Variants in PTPRT observed in about 807,000 individuals in gnomAD.
The protein encoded by PTPRT is protein tyrosine phosphatase receptor type T.
Under a neutral mutation model 176.8 loss-of-function variants are expected in PTPRT, and 56 were observed. The ratio of observed to expected loss-of-function variants is 0.32; its 90% CI spans 0.26 to 0.40. The LOEUF (loss-of-function observed/expected upper bound fraction) is 0.40. PTPRT is among the 10% of genes least tolerant of loss of function. The pLI, the probability that PTPRT is intolerant of heterozygous loss-of-function variation, is 1.00. For synonymous variants in PTPRT, 783 were observed against 739.0 expected, an observed-to-expected ratio of 1.06 and a Z score of -0.96; for missense variants, 1,540 against 1,908.2, an observed-to-expected ratio of 0.81 and a Z score of 3.60.
At chr20:42,928,118 G>A (rs1979604837) in intron 1 of PTPRT, among the ~76,000 whole-genome samples, 1 of 152,260 alleles carries the variant, frequency 6.6e-6, no homozygotes, top group African/African-American at 2.4e-5. Context: ...TGGATGATGA[G>A]ATGGGAAGTG....
At chr20:43,018,909 T>C (rs1277287941) in intron 1 of PTPRT, among the ~76,000 whole-genome samples, 1 of 152,224 alleles carries the variant, frequency 6.6e-6, no homozygotes, top group East Asian at 1.9e-4. Context: ...CAGCCCTCTA[T>C]TGGGAAATGT....
chr20:42,533,874 GA>G, intron 7 of PTPRT, among the ~76,000 whole-genome samples: 1 of 152,342 alleles, frequency 6.6e-6, no homozygotes, highest in East Asian at 1.9e-4. Context: ...GAATGGGGGT[GA>G]AGGGTGCATA....
intron 12 of PTPRT, among the ~76,000 whole-genome samples, chr20:42,290,167 T>C (rs2057295539): frequency 1.3e-5 from 2 of 152,080 alleles, no homozygotes; most frequent in African/African-American, 4.8e-5. Flanking sequence ...TATATAAGTC[T>C]CTGGGGAATG....
chr20:42,797,617 T>C lies in PTPRT; in HGVS notation c.215-6151A>G, dbSNP rs56134463. 9.4e-3 allele frequency among the ~76,000 whole-genome samples: 1,358 copies of C among 145,176 alleles called. 29 individuals carry two copies. Among genetic ancestry groups the C allele is most frequent in the African/African-American group, 0.032 (1,288 of 40,872 alleles). ...CCTCCCAAAGATGTCCATATCCTAA[T>C]ATTTGAAACCTGTAATATGTTACCT... On this transcript the variant is annotated intron_variant, in intron 2 of 30. Coordinates refer to ENST00000373187, the MANE Select transcript of PTPRT (RefSeq NM_007050.6).
chr20:43,138,339 C>T (rs1283861985), intron 1 of PTPRT, among the ~76,000 whole-genome samples: 3 of 152,234 alleles, frequency 2.0e-5, no homozygotes, highest in East Asian at 1.9e-4. Context: ...CTGGAACACC[C>T]GGGCTGCCGG....
intron 1 of PTPRT, among the ~76,000 whole-genome samples, chr20:43,167,922 T>C (rs1429493508): frequency 6.6e-6 from 1 of 152,172 alleles, no homozygotes; most frequent in Non-Finnish European, 1.5e-5. Flanking sequence ...TTATGACAGA[T>C]GTTAAAAGCA....
At chr20:42,768,971 T>C (rs1015182305) in intron 5 of PTPRT, among the ~76,000 whole-genome samples, 6 of 152,134 alleles carry the variant, frequency 3.9e-5, no homozygotes, top group Admixed American at 3.3e-4. Context: ...TTGCTGAAAA[T>C]ATTGTGATGG....
intron 13 of PTPRT, among the ~76,000 whole-genome samples, chr20:42,276,345 C>A (rs2057029295): frequency 6.6e-6 from 1 of 150,532 alleles, no homozygotes; most frequent in Non-Finnish European, 1.5e-5. Context: ...ATCCATTTGA[C>A]AAACGGCTGA....
At chr20:42,389,627 C>G (rs1206979745) in intron 9 of PTPRT, among the ~76,000 whole-genome samples, 3 of 151,990 alleles carry the variant, frequency 2.0e-5, no homozygotes, top group Non-Finnish European at 4.4e-5. Context: ...AGGCGAGAGA[C>G]TTCTTGCTTG....
intron 8 of PTPRT, among the ~76,000 whole-genome samples, chr20:42,463,668 A>G (rs1227498561): frequency 6.6e-6 from 1 of 152,080 alleles, no homozygotes. Context: ...ACAATGGTGA[A>G]CTTTGGGGGT....
At chr20:42,146,586 C>G (rs965700832) in intron 17 of PTPRT, among the ~76,000 whole-genome samples, 11 of 152,144 alleles carry the variant, frequency 7.2e-5, no homozygotes, top group Non-Finnish European at 1.5e-4. Context: ...AACTCCCCAG[C>G]TGATGCTACT....
chr20:43,004,815 T>C (rs1211669247), intron 1 of PTPRT, among the ~76,000 whole-genome samples: 1 of 152,236 alleles, frequency 6.6e-6, no homozygotes, highest in Admixed American at 6.5e-5. Context: ...AATAAAATAC[T>C]CTTGAAATAT....
intron 7 of PTPRT, among the ~76,000 whole-genome samples, chr20:42,521,548 A>G (rs2072176666): frequency 6.6e-6 from 1 of 152,194 alleles, no homozygotes; most frequent in Admixed American, 6.5e-5. Context: ...GCCATTCAAT[A>G]CTGTACTTTT....
At position 42,789,652 on chromosome 20, in the gene PTPRT, C is replaced by T. The variant is rs139469581; in HGVS notation, c.486+1543G>A. Among the ~76,000 whole-genome samples the T allele has an allele frequency of 2.6e-5, 4 of 152,246 alleles. No individual in the cohort carries two copies. The East Asian group carries it at 5.8e-4, about 22-fold the overall frequency. On this transcript the variant is annotated intron_variant, in intron 3 of 30. Coordinates refer to ENST00000373187, the MANE Select transcript of PTPRT (RefSeq NM_007050.6). ...TTACCATCATCATCACTACCTCTCC[C>T]CTATTTCTGAAAGGAGTTTCAGGAA... is the stretch of plus-strand genomic sequence containing the variant.
intron 1 of PTPRT, among the ~76,000 whole-genome samples, chr20:42,982,198 T>A (rs1256270048): frequency 3.3e-5 from 5 of 152,164 alleles, no homozygotes; most frequent in African/African-American, 1.2e-4. Context: ...AGTTTCTGCC[T>A]ACACTTACCA....
intron 7 of PTPRT, among the ~76,000 whole-genome samples, chr20:42,526,956 C>CTTTTTTTTTTTTTTTTTT (rs915511549): frequency 3.8e-5 from 3 of 78,714 alleles, no homozygotes; most frequent in African/African-American, 4.9e-5. Flanking sequence ...GTTCTTTTTT[C>CTTTTTTTTTTTTTTTTTT]TTTTTTTTTT....
At chr20:42,627,226 T>C (rs1329787554) in intron 7 of PTPRT, among the ~76,000 whole-genome samples, 1 of 151,684 alleles carries the variant, frequency 6.6e-6, no homozygotes, top group Non-Finnish European at 1.5e-5. Context: ...TCATGAAAAG[T>C]AGCACTAATG....
chr20:42,179,503 TAGCCACATA>T (rs1990428142), intron 16 of PTPRT, among the ~76,000 whole-genome samples: 1 of 152,238 alleles, frequency 6.6e-6, no homozygotes, highest in South Asian at 2.1e-4. Context: ...GACAATGAAT[TAGCCACATA>T]ATTGACAGCC....
chr20:42,874,648 C>A (rs1207639506), intron 2 of PTPRT, among the ~76,000 whole-genome samples: 2 of 152,180 alleles, frequency 1.3e-5, no homozygotes, highest in Non-Finnish European at 2.9e-5. Context: ...AATCTCAGCT[C>A]CTCCATTTAC....
Sources: gnomAD v4.1 joint callset for allele counts (sites outside exome capture counted in the v4.1 genomes callset) on GRCh38, gnomAD v4.1.1 for gene constraint, MANE v1.5 for transcripts, NCBI Gene and HGNC (gene_info 2026-07-23, HGNC 2026-07-21) for gene names.